Variants in TMTC1 observed in about 807,000 individuals in gnomAD.
TMTC1 encodes the protein transmembrane O-mannosyltransferase targeting cadherins 1.
In TMTC1, 73 loss-of-function variants were observed where a neutral mutation model predicts 104.8. That is an observed-to-expected ratio of 0.70 (90% CI 0.58 to 0.85). The LOEUF (loss-of-function observed/expected upper bound fraction) is 0.85, where lower values mean the gene tolerates loss of function less well. Ranked by LOEUF, TMTC1 falls within the 40% of genes least tolerant of loss-of-function variation. The pLI is 0.00. For missense variants in TMTC1, 1,035 were observed against 1,096.1 expected (o/e 0.94, Z 0.79); for synonymous variants, 434 against 428.7 (o/e 1.01, Z -0.15).
At chr12:29,632,174 A>AC (rs1201619682) in intron 6 of TMTC1, among the ~76,000 whole-genome samples, 4 of 152,212 alleles carry the variant, frequency 2.6e-5, no homozygotes. Flanking sequence ...TCCAAAGTTT[A>AC]CCAGCCAATT....
intron 5 of TMTC1, among the ~76,000 whole-genome samples, chr12:29,687,293 G>T (rs1335926043): frequency 6.6e-6 from 1 of 151,972 alleles, no homozygotes; most frequent in African/African-American, 2.4e-5. Context: ...GCACTTGAGG[G>T]CACACTATGA....
rs1245360562 is a variant in TMTC1 at position 29,672,161 on chromosome 12, C to T, written c.939-38825G>A. Among the ~76,000 whole-genome samples, 3 of 152,192 alleles carry T rather than the reference C, an allele frequency of 2.0e-5. No individual in the cohort carries two copies. In the East Asian group the frequency reaches 5.8e-4, roughly 29 times the overall value. On this transcript the variant is annotated intron_variant, in intron 5 of 17. Coordinates refer to ENST00000539277, the MANE Select transcript of TMTC1 (RefSeq NM_001193451.2). Reference sequence around the variant, plus strand: ...CTCCATCTCCCTTGGCTCAGCCATCCATGATTTCACCCAGGCAGTTCACTG... The same window carrying T: ...CTCCATCTCCCTTGGCTCAGCCATCTATGATTTCACCCAGGCAGTTCACTG...
chr12:29,549,553 AACAC>A (rs1193614456), intron 10 of TMTC1, among the ~76,000 whole-genome samples: 8 of 152,156 alleles, frequency 5.3e-5, no homozygotes, highest in Admixed American at 5.2e-4. Context: ...TTTAAAAAAA[AACAC>A]ACAAACACAG....
At chr12:29,674,636 C>T (rs1025166423) in intron 5 of TMTC1, among the ~76,000 whole-genome samples, 4 of 152,218 alleles carry the variant, frequency 2.6e-5, no homozygotes, top group African/African-American at 9.6e-5. Context: ...ATGCACAAGG[C>T]AGCCAGCTCA....
At chr12:29,715,890 T>C (rs569378517) in intron 5 of TMTC1, among the ~76,000 whole-genome samples, 1 of 152,250 alleles carries the variant, frequency 6.6e-6, no homozygotes, top group African/African-American at 2.4e-5. Flanking sequence ...ACCACACCCA[T>C]AATTCATCAC....
chr12:29,559,481 C>T (rs534670402), intron 9 of TMTC1, among the ~76,000 whole-genome samples: 1 of 152,220 alleles, frequency 6.6e-6, no homozygotes, highest in South Asian at 2.1e-4. Context: ...AATTCAAGTC[C>T]ACCCTGAACT....
intron 2 of TMTC1, among the ~76,000 whole-genome samples, chr12:29,767,283 A>G (rs2120485954): frequency 6.6e-6 from 1 of 152,272 alleles, no homozygotes; most frequent in Middle Eastern, 3.4e-3. Flanking sequence ...TTCATCACCC[A>G]CACAATAACT....
chr12:29,544,381 G>A (rs1370735821), intron 10 of TMTC1, among the ~76,000 whole-genome samples: 1 of 151,300 alleles, frequency 6.6e-6, no homozygotes, highest in African/African-American at 2.4e-5. Context: ...TCTCCCACCT[G>A]GAAACTGAGA....
chr12:29,632,736 T>G (rs1376592395), intron 6 of TMTC1, among the ~76,000 whole-genome samples: 5 of 152,240 alleles, frequency 3.3e-5, no homozygotes, highest in African/African-American at 1.2e-4. Context: ...TTAGTAATTT[T>G]GTACAGTTTT....
At chr12:29,741,806 A>C (rs907288541) in intron 5 of TMTC1, among the ~76,000 whole-genome samples, 19 of 152,224 alleles carry the variant, frequency 1.2e-4, no homozygotes, top group African/African-American at 4.6e-4. Flanking sequence ...TTTCCTGCTT[A>C]GAAAAGTCTG....
intron 6 of TMTC1, among the ~76,000 whole-genome samples, chr12:29,615,230 C>T (rs1336187920): frequency 1.3e-5 from 2 of 152,186 alleles, no homozygotes; most frequent in African/African-American, 4.8e-5. Flanking sequence ...AAAGTGCAGC[C>T]ATTTTTTAGC....
intron 5 of TMTC1, among the ~76,000 whole-genome samples, chr12:29,718,792 G>A (rs1027734550): frequency 2.0e-5 from 3 of 152,096 alleles, no homozygotes; most frequent in South Asian, 2.1e-4. Context: ...AATTAGCCAC[G>A]AGTGGTGACG....
At chr12:29,776,000 G>GA (rs1170727267) in intron 1 of TMTC1, among the ~76,000 whole-genome samples, 1 of 151,928 alleles carries the variant, frequency 6.6e-6, no homozygotes, top group Non-Finnish European at 1.5e-5. Context: ...ACGAAGACCA[G>GA]AAAAAAATCA....
At chr12:29,643,630 A>ATATATAATATATGTTATAT (rs1555180717) in intron 5 of TMTC1, among the ~76,000 whole-genome samples, 2 of 26,792 alleles carry the variant, frequency 7.5e-5, no homozygotes, top group South Asian at 9.1e-4. Flanking sequence ...TCTATATATT[A>ATATATAATATATGTTATAT]TATATATAAT....
chr12:29,553,152 C>T (rs1307529026), intron 10 of TMTC1, among the ~76,000 whole-genome samples: 1 of 152,132 alleles, frequency 6.6e-6, no homozygotes, highest in Non-Finnish European at 1.5e-5. Context: ...GATTGGAAAG[C>T]TATTTGGGCA....
At chr12:29,781,112 G>T (rs1457511050) in intron 1 of TMTC1, among the ~76,000 whole-genome samples, 1 of 49,986 alleles carries the variant, frequency 2.0e-5, no homozygotes, top group African/African-American at 5.7e-5. Context: ...ATATCCTCCA[G>T]CTTCATGCTA....
At chr12:29,541,495 ATTCTT>A (rs1475923136) in intron 10 of TMTC1, among the ~76,000 whole-genome samples, 2 of 152,244 alleles carry the variant, frequency 1.3e-5, no homozygotes, top group South Asian at 2.1e-4. Flanking sequence ...ATTGAAACCT[ATTCTT>A]TTCTTAATTT....
chr12:29,599,993 C>CGTATATAT (rs1946517010), intron 7 of TMTC1, among the ~76,000 whole-genome samples: 1 of 81,836 alleles, frequency 1.2e-5, no homozygotes, highest in Admixed American at 1.2e-4. Context: ...TGTGTATATA[C>CGTATATAT]ATATATATAT....
At chr12:29,588,638 G>A (rs914523571) in intron 7 of TMTC1, among the ~76,000 whole-genome samples, 3 of 152,154 alleles carry the variant, frequency 2.0e-5, no homozygotes, top group African/African-American at 4.8e-5. Context: ...AACAGCTAGC[G>A]AATGAGTAAA....
Sources: allele counts gnomAD v4.1 joint callset (sites outside exome capture counted in the v4.1 genomes callset), GRCh38; gene constraint gnomAD v4.1.1; transcripts MANE v1.5; gene names NCBI Gene and HGNC (gene_info 2026-07-23, HGNC 2026-07-21).